Variants in RBM6 observed in about 807,000 individuals in gnomAD.
RBM6 encodes RNA-binding protein 6.
In RBM6, 23 loss-of-function variants were observed where a neutral mutation model predicts 140.4. The ratio of observed to expected loss-of-function variants is 0.16; its 90% CI spans 0.12 to 0.23. RBM6 has a LOEUF of 0.23. Among genes scored for constraint, RBM6 ranks in the 10% least tolerant of loss-of-function variants. The pLI, the probability that RBM6 is intolerant of heterozygous loss-of-function variation, is 1.00. For missense variants in RBM6, 1,139 were observed against 1,386.7 expected (o/e 0.82, Z 2.84); for synonymous variants, 439 against 475.6 (o/e 0.92, Z 1.00).
At chr3:49,991,119 A>G (rs1346760928) in intron 5 of RBM6, among the ~76,000 whole-genome samples, 1 of 152,190 alleles carries the variant, frequency 6.6e-6, no homozygotes, top group Non-Finnish European at 1.5e-5. Flanking sequence ...ATATGGCTGC[A>G]AAAAACTCAG....
intron 16 of RBM6, chr3:50,065,457 A>G (rs753439151): frequency 6.8e-6 from 3 of 443,318 alleles, no homozygotes; most frequent in Admixed American, 5.7e-5. Flanking sequence ...CTCAGCCTCA[A>G]TCTTTCCTGC....
intron 5 of RBM6, among the ~76,000 whole-genome samples, chr3:49,982,262 C>CTTTTTTTTTTTT (rs751604271): frequency 6.0e-4 from 41 of 68,398 alleles, no homozygotes; most frequent in Middle Eastern, 0.018. Context: ...CTTTTCTTTT[C>CTTTTTTTTTTTT]TTTTTTTTTT....
At chr3:49,974,129 C>T (rs559125382) in intron 4 of RBM6, among the ~76,000 whole-genome samples, 47 of 151,516 alleles carry the variant, frequency 3.1e-4, no homozygotes, top group Non-Finnish European at 5.6e-4. Flanking sequence ...GATCCCCTGA[C>T]GTCATGATCC....
chr3:49,957,027 G>C (rs1260783795), intron 1 of RBM6, among the ~76,000 whole-genome samples: 1 of 152,108 alleles, frequency 6.6e-6, no homozygotes, highest in Non-Finnish European at 1.5e-5. Context: ...GTGTTGTCCA[G>C]ATTGGAGAAC....
chr3:50,032,303 A>C (rs2088215989), intron 6 of RBM6, among the ~76,000 whole-genome samples: 1 of 151,730 alleles, frequency 6.6e-6, no homozygotes, highest in South Asian at 2.1e-4. Context: ...CAACATGGTG[A>C]AACCCCATCT....
intron 19 of RBM6, among the ~76,000 whole-genome samples, chr3:50,074,021 G>A (rs1575895540): frequency 6.6e-6 from 1 of 152,072 alleles, no homozygotes; most frequent in South Asian, 2.1e-4. Flanking sequence ...AGTAGAGAGG[G>A]GTTTCACCTG....
chr3:50,071,953 A>G (rs898606838), intron 19 of RBM6, among the ~76,000 whole-genome samples: 3 of 151,082 alleles, frequency 2.0e-5, no homozygotes, highest in African/African-American at 4.9e-5. Context: ...GCGCTGTGGC[A>G]GGCGCCTGTA....
intron 6 of RBM6, among the ~76,000 whole-genome samples, chr3:50,012,775 T>C (rs2086917280): frequency 1.4e-5 from 2 of 138,698 alleles, no homozygotes; most frequent in African/African-American, 2.7e-5. Context: ...GGAGTTTTGC[T>C]CTTGTTTCCC....
At chr3:50,009,063 C>A (rs1251687352) in intron 6 of RBM6, among the ~76,000 whole-genome samples, 4 of 152,192 alleles carry the variant, frequency 2.6e-5, no homozygotes, top group African/African-American at 7.2e-5. Context: ...TCCCTGGCTC[C>A]TTATCCACCT....
At chr3:50,043,352 G>A (rs1456905813) in intron 6 of RBM6, among the ~76,000 whole-genome samples, 5 of 151,396 alleles carry the variant, frequency 3.3e-5, no homozygotes, top group African/African-American at 7.3e-5. Context: ...GTGTAGTGGC[G>A]CACACCTGTA....
intron 6 of RBM6, among the ~76,000 whole-genome samples, chr3:50,035,818 T>A (rs1173842250): frequency 6.6e-6 from 1 of 151,954 alleles, no homozygotes; most frequent in Non-Finnish European, 1.5e-5. Context: ...TGGAACGCAG[T>A]GGCGTGATTT....
At chr3:49,955,165 T>TTTTTC in intron 1 of RBM6, among the ~76,000 whole-genome samples, 1 of 108,472 alleles carries the variant, frequency 9.2e-6, no homozygotes, top group Non-Finnish European at 1.9e-5. Flanking sequence ...TCTTTCTTTT[T>TTTTTC]TTTTTTTTTT....
chr3:49,955,927 TTAAAG>T (rs1345197789), intron 1 of RBM6, among the ~76,000 whole-genome samples: 1 of 151,804 alleles, frequency 6.6e-6, no homozygotes, highest in Non-Finnish European at 1.5e-5. Flanking sequence ...ATTAGAGAGT[TTAAAG>T]TATTTACATT....
intron 6 of RBM6, among the ~76,000 whole-genome samples, chr3:50,006,544 G>C (rs560534675): frequency 6.6e-6 from 1 of 152,088 alleles, no homozygotes; most frequent in African/African-American, 2.4e-5. Flanking sequence ...ACTTTCTAAG[G>C]TGTACTTGAA....
intron 6 of RBM6, among the ~76,000 whole-genome samples, chr3:50,046,914 G>A (rs2089253240): frequency 6.6e-6 from 1 of 152,218 alleles, no homozygotes; most frequent in Admixed American, 6.5e-5. Context: ...TGTAGATAAT[G>A]TTATTTCATC....
intron 5 of RBM6, among the ~76,000 whole-genome samples, chr3:49,995,093 T>C (rs991792800): frequency 1.2e-4 from 18 of 152,200 alleles, no homozygotes; most frequent in African/African-American, 4.3e-4. Flanking sequence ...ATACTATTTA[T>C]CAGGGTTTTG....
intron 7 of RBM6, among the ~76,000 whole-genome samples, chr3:50,049,305 T>C (rs1316109125): frequency 6.6e-6 from 1 of 151,742 alleles, no homozygotes; most frequent in African/African-American, 2.4e-5. Context: ...AGAGATGGGG[T>C]TTCACCATCT....
intron 5 of RBM6, among the ~76,000 whole-genome samples, chr3:49,984,470 G>A (rs2085454031): frequency 1.3e-5 from 2 of 152,134 alleles, no homozygotes; most frequent in African/African-American, 4.8e-5. Context: ...TAGCTGGGCT[G>A]GTGGTGTATG....
intron 6 of RBM6, among the ~76,000 whole-genome samples, chr3:50,044,992 C>G (rs1312871690): frequency 6.6e-6 from 1 of 152,158 alleles, no homozygotes; most frequent in Non-Finnish European, 1.5e-5. Flanking sequence ...GGTCACTGTC[C>G]TATGTCTAAC....
Sources: gnomAD v4.1 joint callset for allele counts (sites outside exome capture counted in the v4.1 genomes callset) on GRCh38, gnomAD v4.1.1 for gene constraint, MANE v1.5 for transcripts, NCBI Gene and HGNC (gene_info 2026-07-23, HGNC 2026-07-21) for gene names.